TCF3: variants seen among roughly 807,000 people sequenced by gnomAD.
The protein encoded by TCF3 is transcription factor E2-alpha.
TCF3 carries 54 observed loss-of-function variants against 72.3 expected under a neutral mutation model. That is an observed-to-expected ratio of 0.75 (90% CI 0.60 to 0.94). The LOEUF is 0.94. TCF3 is among the 40% of genes least tolerant of loss of function. TCF3 has a pLI of 0.00. For synonymous variants in TCF3, 525 were observed against 412.6 expected (o/e 1.27, Z -3.30); for missense variants, 1,078 against 934.4 (o/e 1.15, Z -2.00).
rs960432725 is a variant in TCF3, at chr19:1,633,155, C to A, written c.146-750G>T. On this transcript the variant is annotated intron_variant, in intron 3 of 18. Coordinates refer to ENST00000262965, the MANE Select transcript of TCF3 (RefSeq NM_003200.5). ...CAGGCAACGCCCAGGACTCCAGAAT[C>A]TTCTGCCCTGGGCAGGGAGGGCCTG... 2.6e-5 allele frequency among the ~76,000 whole-genome samples: 4 copies of A among 152,354 alleles called. No homozygotes were observed. The East Asian group carries it at 7.7e-4, about 29-fold the overall frequency.
At chr19:1,620,532 C>G (rs1050880183) in intron 13 of TCF3, among the ~76,000 whole-genome samples, 5 of 152,208 alleles carry the variant, frequency 3.3e-5, no homozygotes, top group African/African-American at 1.2e-4. Context: ...GATGCTGGCC[C>G]CATCGGACCT....
Position 1,619,219 on chromosome 19 carries a change from G to T in TCF3, c.1342C>A (p.Pro448Thr). The T allele has an allele frequency of 1.3e-6, 2 of 1,596,660 alleles. No homozygotes were observed. The highest frequency in any genetic ancestry group is 8.5e-7 in the Non-Finnish European group (1 of 1,178,078). The change falls in exon 16 of 19, where the codon CCC (proline) becomes ACC (threonine). Residue 448 changes from proline (P) to threonine (T), a missense_variant. By Grantham distance (38) the Pro-to-Thr change is conservative (BLOSUM62 -1). Transcript: ENST00000262965. ...GTGCTGCCTGCGAGGCCGTCCTCGG[G>T]GTGGCTGCCTCCAACCTGCAGGCGT... is the stretch of plus-strand genomic sequence containing the variant. ...RHAGLVGGSH[P>T]EDGLAGSTSL... is the part of the protein sequence containing the mutation.
chr19:1,641,465 A>G (rs2065233919), intron 3 of TCF3, among the ~76,000 whole-genome samples: 1 of 152,072 alleles, frequency 6.6e-6, no homozygotes, highest in Admixed American at 6.6e-5. Flanking sequence ...ATATTTTTTT[A>G]TTCTTCAGAC....
intron 3 of TCF3, among the ~76,000 whole-genome samples, chr19:1,642,847 T>C (rs1315849208): frequency 6.6e-6 from 1 of 152,148 alleles, no homozygotes; most frequent in Non-Finnish European, 1.5e-5. Context: ...CCGGAGGAAA[T>C]GACCCATGCG....
chr19:1,622,669 G>C (rs1030861774), intron 8 of TCF3, among the ~76,000 whole-genome samples: 1 of 152,112 alleles, frequency 6.6e-6, no homozygotes, highest in Non-Finnish European at 1.5e-5. Context: ...CTTTGTACTT[G>C]AGGACTTGGA....
At position 1,622,203 on chromosome 19, in the gene TCF3, C is replaced by A; in HGVS notation, c.673G>T (p.Ala225Ser). ...TGGCCCGGGGGACTCCAGAGCTCGG[C>A]TGAGGGGTGCAGGCTGCCATCTGTG... ...YVADGSLHPS[A>S]ELWSPPGQAG... is the part of the protein sequence containing the mutation. The change falls in exon 10 of 19, where the codon GCC becomes TCC. Residue 225 changes from alanine to serine, a missense_variant. Physicochemically the swap from Ala to Ser is moderately conservative, Grantham distance 99 (BLOSUM62 1). Transcript: ENST00000262965. 6.4e-7 allele frequency: 1 copy of A among 1,557,326 alleles called. No homozygotes were observed.
chr19:1,632,140 A>G (rs1478672150), intron 4 of TCF3, 24 bp from the exon 5 acceptor site: 38 of 1,608,982 alleles, frequency 2.4e-5, no homozygotes, highest in Non-Finnish European at 3.1e-5. Context: ...GGTGGGGATG[A>G]GAGGTGCTGG....
intron 3 of TCF3, among the ~76,000 whole-genome samples, chr19:1,645,175 GCC>G (rs1214934908): frequency 6.6e-6 from 1 of 152,070 alleles, no homozygotes; most frequent in African/African-American, 2.4e-5. Context: ...TCCAGCCAGG[GCC>G]CACCCCTGGG....
chr19:1,615,195 C>A lies in TCF3; in HGVS notation c.1822+90G>T. On this transcript the variant is annotated intron_variant, in intron 18 of 18. Transcript: ENST00000262965. This position sits in a 1 kb window ranked among gnomAD's most constrained non-coding sequence, Gnocchi z 7.3. ...AACTGCTGCAGAGGGAGGGCTGGCT[C>A]CAGGAAGGCGGGCGGGGAAGGAGAA... is the stretch of plus-strand genomic sequence containing the variant. 6.9e-7 allele frequency: 1 copy of A among 1,458,820 alleles called. No individual in the cohort carries two copies. 90.4% of individuals were successfully genotyped at this position (1,458,820 alleles called of 1,614,324 possible).
chr19:1,634,067 G>A (rs1186280461), intron 3 of TCF3, among the ~76,000 whole-genome samples: 2 of 152,180 alleles, frequency 1.3e-5, no homozygotes, highest in African/African-American at 4.8e-5. Flanking sequence ...CCCAGGGATC[G>A]CCCCCGAAGT....
At chr19:1,618,618 C>T (rs2145968990) in intron 16 of TCF3, among the ~76,000 whole-genome samples, 1 of 152,236 alleles carries the variant, frequency 6.6e-6, no homozygotes, top group South Asian at 2.1e-4. Context: ...GCTGCGCCCT[C>T]TGCCTGAAAC....
intron 3 of TCF3, among the ~76,000 whole-genome samples, chr19:1,634,904 G>T (rs183381171): frequency 2.0e-5 from 3 of 152,122 alleles, no homozygotes; most frequent in Non-Finnish European, 4.4e-5. Flanking sequence ...TTCCAATAGA[G>T]ACCATCTGTC....
intron 3 of TCF3, among the ~76,000 whole-genome samples, chr19:1,645,517 G>A (rs970093900): frequency 2.6e-5 from 4 of 152,102 alleles, no homozygotes; most frequent in Non-Finnish European, 5.9e-5. Context: ...GCGTCCGTAC[G>A]GGCTGCTCTC....
chr19:1,615,928 T>C lies in TCF3; in HGVS notation c.1451-107A>G. Reference sequence around the variant, plus strand: ...CTTGGGCTTTCCTGGAAAAACCAGGTCTTGGCCAAAAATAAAAACAAAAAA... The same window carrying C: ...CTTGGGCTTTCCTGGAAAAACCAGGCCTTGGCCAAAAATAAAAACAAAAAA... On this transcript the variant is annotated intron_variant, in intron 16 of 18. Transcript: ENST00000262965. The surrounding 1 kb of genome is among the most constrained non-coding windows in gnomAD (Gnocchi z 7.3). 1 of 1,382,968 alleles carries C rather than the reference T, an allele frequency of 7.2e-7. No individual in the cohort carries two copies. The highest frequency in any genetic ancestry group is 2.6e-5 in the Admixed American group (1 of 38,560). The allele number at this position is 1,382,968 out of a possible 1,614,324, so 85.7% of individuals were successfully genotyped here.
chr19:1,619,567 T>C (rs2061926223), intron 14 of TCF3, 93 bp from the exon 15 acceptor site: 7 of 1,463,444 alleles, frequency 4.8e-6, no homozygotes, highest in South Asian at 4.1e-5. Flanking sequence ...TGGCCGGTGG[T>C]CCCATCTTCC....
rs2060888163 is a variant in TCF3, at chr19:1,610,228, A to C, written c.*1479T>G. The C allele has an allele frequency of 8.6e-6, 2 of 231,972 alleles. No individual in the cohort carries two copies. The highest frequency in any genetic ancestry group is 1.1e-4 in the Admixed American group (2 of 17,744). The allele number at this position is 231,972 out of a possible 1,614,324, so 14.4% of individuals were successfully genotyped here. ...GGTTCTGCAGCAGGGTCGGACGCAC[A>C]GCCCAAGGCCTTCGTGGGGCTCAGA... On this transcript the variant is annotated 3_prime_UTR_variant, in exon 19 of 19. Coordinates refer to ENST00000262965, the MANE Select transcript of TCF3 (RefSeq NM_003200.5).
At chr19:1,613,645 A>C (rs1234276637) in intron 18 of TCF3, among the ~76,000 whole-genome samples, 3 of 151,932 alleles carry the variant, frequency 2.0e-5, no homozygotes, top group Non-Finnish European at 4.4e-5. Context: ...CACTCCAAAA[A>C]CCCGGGACTG....
At chr19:1,636,127 G>C (rs2064367089) in intron 3 of TCF3, among the ~76,000 whole-genome samples, 1 of 152,198 alleles carries the variant, frequency 6.6e-6, no homozygotes, top group Non-Finnish European at 1.5e-5. Context: ...GAATCCGGGG[G>C]TGGCCTTTCC....
chr19:1,612,921 G>C, intron 18 of TCF3, among the ~76,000 whole-genome samples: 1 of 151,408 alleles, frequency 6.6e-6, no homozygotes, highest in Non-Finnish European at 1.5e-5. Context: ...TACACGGCTG[G>C]TGTGGGCAGC....
Sources: gnomAD v4.1 joint callset for allele counts (sites outside exome capture counted in the v4.1 genomes callset) on GRCh38, gnomAD v4.1.1 for gene constraint, Gnocchi (gnomAD v3.1) non-coding constraint, MANE v1.5 for transcripts, NCBI Gene and HGNC (gene_info 2026-07-23, HGNC 2026-07-21) for gene names.